Variants in CFAP47 observed in about 807,000 individuals in gnomAD.
The protein encoded by CFAP47 is cilia- and flagella-associated protein 47.
Under a neutral mutation model 148.1 loss-of-function variants are expected in CFAP47, and 29 were observed. The ratio of observed to expected loss-of-function variants is 0.20; its 90% confidence interval spans 0.15 to 0.27. CFAP47 has a LOEUF of 0.27. CFAP47 is among the 10% of genes least tolerant of loss of function. CFAP47 has a pLI of 1.00. For synonymous variants in CFAP47, 664 were observed against 577.3 expected, an observed-to-expected ratio of 1.15 and a Z score of -2.15; for missense variants, 1,872 against 1,697.5, an observed-to-expected ratio of 1.10 and a Z score of -1.81.
At chrX:36,251,920 A>T (rs2069389084) in intron 49 of CFAP47, among the ~76,000 whole-genome samples, 2 of 111,150 alleles carry the variant, frequency 1.8e-5, no homozygotes, top group African/African-American at 6.5e-5. Flanking sequence ...TTATTTATGC[A>T]GATTTCCGCA....
chrX:36,363,745 T>C (rs1941847617), intron 61 of CFAP47, among the ~76,000 whole-genome samples: 1 of 112,077 alleles, frequency 8.9e-6, no homozygotes, highest in South Asian at 3.6e-4. Context: ...TAGGTCATTC[T>C]GACATTCATC....
chrX:36,078,474 G>T lies in CFAP47; in HGVS notation c.4691+5110G>T, dbSNP rs746358659. Among the ~76,000 whole-genome samples the T allele has an allele frequency of 8.0e-3, 882 of 110,397 alleles. 8 individuals carry two copies. The highest frequency in any genetic ancestry group is 0.028 in the African/African-American group (834 of 30,152). On this transcript the variant is annotated intron_variant, in intron 29 of 63. Coordinates refer to ENST00000378653, the MANE Select transcript of CFAP47 (RefSeq NM_001304548.2). ...ATTATGTAATGGCCTTCTTTGTCTCGTTTGATCTTTGTTGGTTTAAAGTCT... is the reference window on the plus strand; with the variant it reads ...ATTATGTAATGGCCTTCTTTGTCTCTTTTGATCTTTGTTGGTTTAAAGTCT...
chrX:36,176,331 A>G (rs961644555), intron 39 of CFAP47, among the ~76,000 whole-genome samples: 1 of 111,944 alleles, frequency 8.9e-6, no homozygotes, highest in Non-Finnish European at 1.9e-5. Context: ...CTCCAACTGT[A>G]TGGTGGTTCT....
chrX:36,239,339 A>G (rs185746495), intron 48 of CFAP47, among the ~76,000 whole-genome samples: 1 of 112,497 alleles, frequency 8.9e-6, no homozygotes, highest in East Asian at 2.8e-4. Flanking sequence ...GTATATATTT[A>G]AGAAAAACTC....
At position 36,235,947 on chromosome X, in the gene CFAP47, A is replaced by G. The variant is rs781827483; in HGVS notation, c.7028A>G (p.Asn2343Ser). The G allele has an allele frequency of 2.0e-4, 100 of 490,771 alleles. No homozygotes were observed. The highest frequency in any genetic ancestry group is 6.6e-4 in the Middle Eastern group (2 of 3,019). The allele number at this position is 490,771 out of a possible 1,213,427, so 40.4% of individuals were successfully genotyped here. A position where few individuals can be genotyped will look rare whatever the true frequency, so the allele number is the denominator to read the frequency against. Residue 2343 changes from asparagine to serine, a missense_variant, in exon 47 of 64, where the codon AAC (asparagine) becomes AGC (serine). Asn to Ser is a conservative substitution (Grantham distance 46). Transcript: ENST00000378653. Reference protein sequence around the residue: ...TQNIPIKNQTNDKWTFQVTIE... With the variant: ...TQNIPIKNQTSDKWTFQVTIE... ...TTCATGCTTTAGAAAAATCAAACAA[A>G]CGATAAATGGACCTTTCAAGTTACT...
intron 29 of CFAP47, among the ~76,000 whole-genome samples, chrX:36,078,567 C>T (rs903151563): frequency 9.0e-6 from 1 of 110,709 alleles, no homozygotes; most frequent in East Asian, 2.8e-4. Flanking sequence ...GTAAATCTTC[C>T]TCCATCACTT....
intron 30 of CFAP47, among the ~76,000 whole-genome samples, chrX:36,090,782 C>A (rs1447957484): frequency 9.1e-6 from 1 of 109,861 alleles, no homozygotes; most frequent in East Asian, 2.9e-4. Flanking sequence ...TTTGATAATA[C>A]AATAGGTAAG....
chrX:35,988,868 G>C (rs1050547848), intron 15 of CFAP47, among the ~76,000 whole-genome samples: 4 of 111,877 alleles, frequency 3.6e-5, no homozygotes, highest in African/African-American at 9.7e-5. Context: ...AAAAACTTCT[G>C]TGGTAATGAT....
intron 1 of CFAP47, among the ~76,000 whole-genome samples, chrX:35,921,403 G>C (rs1396058408): frequency 8.9e-6 from 1 of 112,230 alleles, no homozygotes; most frequent in Non-Finnish European, 1.9e-5. Context: ...AGGAAAGCCT[G>C]TGTTATTTCA....
Position 36,104,566 on chromosome X carries a change from C to A in CFAP47, c.5195C>A (p.Thr1732Lys). The A allele has an allele frequency of 2.0e-6, 2 of 1,006,499 alleles. No homozygotes were observed. Among genetic ancestry groups the A allele is most frequent in the Admixed American group, 2.3e-5 (1 of 44,242 alleles). The allele number at this position is 1,006,499 out of a possible 1,213,427, so 82.9% of individuals were successfully genotyped here. The change falls in exon 33 of 64, where the codon ACA becomes AAA. Residue 1732 changes from threonine (T) to lysine (K), a missense_variant. Coordinates refer to ENST00000378653, the MANE Select transcript of CFAP47 (RefSeq NM_001304548.2). Reference sequence around the variant, plus strand: ...ATGCCCCCCATATGTGTGCAAAATACACCAAAAGTCAATCCTTGTTTTGCA... The same window carrying A: ...ATGCCCCCCATATGTGTGCAAAATAAACCAAAAGTCAATCCTTGTTTTGCA... The part of the protein sequence containing the change: ...NNMPPICVQN[T>K]PKVNPCFASS...
At chrX:36,261,915 C>G (rs1363602994) in intron 49 of CFAP47, among the ~76,000 whole-genome samples, 1 of 111,279 alleles carries the variant, frequency 9.0e-6, no homozygotes, top group Non-Finnish European at 1.9e-5. Context: ...GCAGAGGCGC[C>G]CCCCACCTCC....
chrX:36,078,797 T>C (rs1347489744), intron 29 of CFAP47, among the ~76,000 whole-genome samples: 1 of 111,545 alleles, frequency 9.0e-6, no homozygotes, highest in Non-Finnish European at 1.9e-5. Flanking sequence ...TTTGGCATGT[T>C]TTTGCAGTGG....
chrX:35,928,095 A>G (rs1935773435), intron 2 of CFAP47, among the ~76,000 whole-genome samples: 1 of 109,275 alleles, frequency 9.2e-6, no homozygotes, highest in South Asian at 3.8e-4. Context: ...AGCTATCACA[A>G]ATAAGCTGCT....
At position 36,236,745 on chromosome X, in the gene CFAP47, G is replaced by C. The variant is rs1555994741; in HGVS notation, c.7218G>C (p.Gly2406=). The change falls in exon 48 of 64, where the codon GGG becomes GGC. Residue 2406 remains glycine, a synonymous_variant. Coordinates refer to ENST00000378653, the MANE Select transcript of CFAP47 (RefSeq NM_001304548.2). ...GGGAGCACATCTTTGACATAAAAGG[G>C]GTTGGGAAAAAACCTTCGGCCTTGG... ...DGREHIFDIK[G]VGKKPSALEH... The C allele has an allele frequency of 3.8e-6, 2 of 523,327 alleles. No individual in the cohort carries two copies. The highest frequency in any genetic ancestry group is 7.0e-6 in the Non-Finnish European group (2 of 286,399). The allele number at this position is 523,327 out of a possible 1,213,427, so 43.1% of individuals were successfully genotyped here.
At chrX:36,220,745 G>A (rs939161067) in intron 45 of CFAP47, among the ~76,000 whole-genome samples, 2 of 111,455 alleles carry the variant, frequency 1.8e-5, no homozygotes, top group Non-Finnish European at 1.9e-5. Flanking sequence ...GAAGACAATA[G>A]AAGAATACCT....
chrX:36,017,993 G>A (rs1014051615), intron 22 of CFAP47, among the ~76,000 whole-genome samples: 4 of 110,851 alleles, frequency 3.6e-5, no homozygotes, highest in South Asian at 7.7e-4. Flanking sequence ...CTTCCAAACC[G>A]AGAACGTGAA....
chrX:36,258,154 A>C (rs181008412), intron 49 of CFAP47, among the ~76,000 whole-genome samples: 1 of 112,248 alleles, frequency 8.9e-6, no homozygotes, highest in Admixed American at 9.4e-5. Flanking sequence ...AAAATTTGCA[A>C]TTTGGAACTT....
At chrX:35,924,044 T>C (rs774189132) in intron 1 of CFAP47, among the ~76,000 whole-genome samples, 3 of 94,692 alleles carry the variant, frequency 3.2e-5, no homozygotes. Context: ...CATATATGTG[T>C]ATATGTACAT....
intron 4 of CFAP47, 32 bp from the exon 5 acceptor site, chrX:35,951,099 T>C (rs779529349): frequency 2.0e-6 from 2 of 978,818 alleles, no homozygotes; most frequent in Admixed American, 4.8e-5. Flanking sequence ...AATTAAAATA[T>C]GTATGTATGT....
Sources: gnomAD v4.1 joint callset for allele counts (sites outside exome capture counted in the v4.1 genomes callset) on GRCh38, gnomAD v4.1.1 for gene constraint, MANE v1.5 for transcripts, NCBI Gene and HGNC (gene_info 2026-07-23, HGNC 2026-07-21) for gene names.